Variants in KSR2 observed in about 807,000 individuals in gnomAD.
KSR2 encodes kinase suppressor of ras 2.
Under a neutral mutation model 107.8 loss-of-function variants are expected in KSR2, and 25 were observed. The observed-to-expected ratio is 0.23, with a 90% CI of 0.17 to 0.32. The LOEUF (loss-of-function observed/expected upper bound fraction) is 0.32. KSR2 is among the 10% of genes least tolerant of loss of function. The pLI is 1.00. For synonymous variants in KSR2, 480 were observed against 507.0 expected (o/e 0.95, Z 0.71); for missense variants, 887 against 1,268.9 (o/e 0.70, Z 4.57).
rs1240376033 is a variant in KSR2 at position 117,457,684 on chromosome 12, A to C, written c.*9515T>G. 2 of 151,998 alleles carry C rather than the reference A, an allele frequency of 1.3e-5. No homozygotes were observed. The highest frequency in any genetic ancestry group is 2.9e-5 in the Non-Finnish European group (2 of 68,000). 9.4% of individuals were successfully genotyped at this position (151,998 alleles called of 1,614,324 possible). A position where few individuals can be genotyped will look rare whatever the true frequency, so the allele number is the denominator to read the frequency against. ...CAGCAAAGTCAGGGTGTGTCTGGGG[A>C]TGTTTTTGGATGTCACCAGTACCAG... On this transcript the variant is annotated 3_prime_UTR_variant, in exon 20 of 20. Transcript: ENST00000339824.
chr12:117,509,058 A>G (rs764107983), intron 14 of KSR2, among the ~76,000 whole-genome samples: 6 of 152,090 alleles, frequency 3.9e-5, no homozygotes, highest in Admixed American at 1.3e-4. Flanking sequence ...TTGAATTGAT[A>G]GGAGGATGGA....
intron 3 of KSR2, among the ~76,000 whole-genome samples, chr12:117,798,718 A>ATATAT (rs545976554): frequency 7.4e-5 from 8 of 108,614 alleles, no homozygotes; most frequent in Admixed American, 2.5e-4. Flanking sequence ...CCAAAAAAAA[A>ATATAT]AAATATATAT....
At chr12:117,598,485 G>A (rs1341782693) in intron 5 of KSR2, among the ~76,000 whole-genome samples, 5 of 152,112 alleles carry the variant, frequency 3.3e-5, no homozygotes, top group Non-Finnish European at 5.9e-5. Context: ...GACTTCTCTA[G>A]TGGGATTGCT....
chr12:117,704,395 T>C (rs1016939302), intron 4 of KSR2, among the ~76,000 whole-genome samples: 3 of 152,174 alleles, frequency 2.0e-5, no homozygotes, highest in Non-Finnish European at 4.4e-5. Flanking sequence ...CTACAGTCTC[T>C]TTAATAATTG....
intron 1 of KSR2, chr12:117,889,560 G>C (rs1056623991): frequency 6.6e-6 from 1 of 152,192 alleles, no homozygotes; most frequent in African/African-American, 2.4e-5. Flanking sequence ...ATAACGAGAC[G>C]TGGGGCCATA....
chr12:117,883,581 G>A (rs2137329005), intron 1 of KSR2, among the ~76,000 whole-genome samples: 1 of 152,280 alleles, frequency 6.6e-6, no homozygotes, highest in South Asian at 2.1e-4. Flanking sequence ...CCTACAGAGG[G>A]GATCAGGCAG....
intron 1 of KSR2, among the ~76,000 whole-genome samples, chr12:117,865,090 T>C (rs1052722817): frequency 6.6e-6 from 1 of 151,950 alleles, no homozygotes; most frequent in Non-Finnish European, 1.5e-5. Flanking sequence ...TTAATTAATT[T>C]AAAAAATAAA....
At chr12:117,471,959 A>G (rs1871483816) in intron 17 of KSR2, among the ~76,000 whole-genome samples, 1 of 151,782 alleles carries the variant, frequency 6.6e-6, no homozygotes, top group South Asian at 2.1e-4. Flanking sequence ...ACAGGTTAGG[A>G]TTTTTTTTCT....
chr12:117,570,976 A>G (rs1476614854), intron 7 of KSR2, among the ~76,000 whole-genome samples: 2 of 152,196 alleles, frequency 1.3e-5, no homozygotes, highest in Non-Finnish European at 2.9e-5. Flanking sequence ...AACCTATTCC[A>G]GCCAGGCACG....
intron 3 of KSR2, among the ~76,000 whole-genome samples, chr12:117,825,079 G>A (rs1891693713): frequency 6.6e-6 from 1 of 152,032 alleles, no homozygotes; most frequent in Non-Finnish European, 1.5e-5. Context: ...CTACTCAGGA[G>A]ACTGGACAGG....
intron 18 of KSR2, 132 bp downstream of exon 18, chr12:117,471,059 G>T: frequency 2.8e-6 from 3 of 1,089,570 alleles, no homozygotes; most frequent in East Asian, 2.8e-5. Flanking sequence ...CATCTGACAA[G>T]GTTGGAATGC....
At position 117,769,624 on chromosome 12, in the gene KSR2, A is replaced by C. The variant is rs116715740; in HGVS notation, c.473-8100T>G. Among the ~76,000 whole-genome samples the C allele has an allele frequency of 6.7e-3, 1,019 of 152,338 alleles. 16 individuals are homozygous for C. Among genetic ancestry groups the C allele is most frequent in the African/African-American group, 0.023 (949 of 41,588 alleles). On this transcript the variant is annotated intron_variant, in intron 3 of 19. Coordinates refer to ENST00000339824, the MANE Select transcript of KSR2 (RefSeq NM_173598.6). Reference sequence around the variant, plus strand: ...AACAGAGCATTTAGCTTCATTCCCTAGCACACAGTCAATGTTGTATAAATG... The same window carrying C: ...AACAGAGCATTTAGCTTCATTCCCTCGCACACAGTCAATGTTGTATAAATG...
chr12:117,932,866 A>C (rs1222725622), intron 1 of KSR2, among the ~76,000 whole-genome samples: 1 of 152,138 alleles, frequency 6.6e-6, no homozygotes, highest in Non-Finnish European at 1.5e-5. Context: ...TACAAAAATT[A>C]GCCAGGCATG....
At position 117,897,449 on chromosome 12, in the gene KSR2, A is replaced by G. The variant is rs2137380686; in HGVS notation, c.181-37018T>C. On this transcript the variant is annotated intron_variant, in intron 1 of 19. Transcript: ENST00000339824. This position sits in a 1 kb window ranked among gnomAD's most constrained non-coding sequence, Gnocchi z 4.5. ...AGTAGGCATGAAAGGTTGACTAGGAAACCACATCAGCTTTGCAGCATCCAA... is the reference window on the plus strand; with the variant it reads ...AGTAGGCATGAAAGGTTGACTAGGAGACCACATCAGCTTTGCAGCATCCAA... Among the ~76,000 whole-genome samples the G allele has an allele frequency of 6.6e-6, 1 of 152,258 alleles. No homozygotes were observed. Among genetic ancestry groups the G allele is most frequent in the African/African-American group, 2.4e-5 (1 of 41,544 alleles).
chr12:117,572,402 A>G (rs1424923435), intron 7 of KSR2, among the ~76,000 whole-genome samples: 2 of 152,188 alleles, frequency 1.3e-5, no homozygotes, highest in African/African-American at 2.4e-5. Context: ...AGACGGGCTC[A>G]GGAAGTGGCA....
intron 1 of KSR2, among the ~76,000 whole-genome samples, chr12:117,931,773 G>C (rs1029525798): frequency 7.2e-5 from 11 of 152,140 alleles, no homozygotes; most frequent in African/African-American, 2.7e-4. Context: ...TTCTAGACCA[G>C]CCAGATTAAT....
chr12:117,659,479 G>C (rs1169593981), intron 5 of KSR2, among the ~76,000 whole-genome samples: 1 of 152,106 alleles, frequency 6.6e-6, no homozygotes, highest in Non-Finnish European at 1.5e-5. Flanking sequence ...CAGACAAAAA[G>C]TGTCACCATT....
chr12:117,773,433 TAAGC>T (rs768702776), intron 3 of KSR2, among the ~76,000 whole-genome samples: 7 of 152,234 alleles, frequency 4.6e-5, no homozygotes, highest in Non-Finnish European at 1.0e-4. Context: ...TCAGAAAGTC[TAAGC>T]AAGTGTCTAA....
chr12:117,822,354 G>T (rs997570584), intron 3 of KSR2, among the ~76,000 whole-genome samples: 1 of 152,014 alleles, frequency 6.6e-6, no homozygotes, highest in African/African-American at 2.4e-5. Flanking sequence ...CCTCTCTTGG[G>T]GTCTGGACCC....
Sources: gnomAD v4.1 joint callset for allele counts (sites outside exome capture counted in the v4.1 genomes callset) on GRCh38, gnomAD v4.1.1 for gene constraint, Gnocchi (gnomAD v3.1) non-coding constraint, MANE v1.5 for transcripts, NCBI Gene and HGNC (gene_info 2026-07-23, HGNC 2026-07-21) for gene names.